Variants in RIMBP2 observed in about 807,000 individuals in gnomAD.
RIMBP2 encodes the protein RIMS-binding protein 2.
RIMBP2 carries 48 observed loss-of-function variants against 118.6 expected under a neutral mutation model. The observed-to-expected ratio is 0.40, with a 90% CI of 0.32 to 0.51. RIMBP2 has a LOEUF of 0.51. Among genes scored for constraint, RIMBP2 ranks in the 20% least tolerant of loss-of-function variants. RIMBP2 has a pLI of 0.41. For synonymous variants in RIMBP2, 762 were observed against 742.9 expected (o/e 1.03, Z -0.42); for missense variants, 1,551 against 1,768.3 (o/e 0.88, Z 2.20).
chr12:130,558,623 G>A (rs1013035909), intron 2 of RIMBP2, among the ~76,000 whole-genome samples: 1 of 152,192 alleles, frequency 6.6e-6, no homozygotes, highest in Non-Finnish European at 1.5e-5. Flanking sequence ...GGAAGAGACC[G>A]AGAATGCAGC....
chr12:130,414,203 G>A lies in RIMBP2; in HGVS notation c.3342C>T (p.Asp1114=). The change falls in exon 18 of 23, where the codon GAC becomes GAT. Residue 1114 remains aspartate, a synonymous_variant. Transcript: ENST00000690449. ...LPARIFVALF[D]YDPLTMSPNP... is the part of the protein sequence containing the mutation. ...TTGGGGACATGGTGAGCGGGTCGTA[G>A]TCAAAGAGAGCCACAAAGATCCGGG... 6.2e-7 allele frequency: 1 copy of A among 1,614,230 alleles called. No individual in the cohort carries two copies. Among genetic ancestry groups the A allele is most frequent in the South Asian group, 1.1e-5 (1 of 91,084 alleles).
Position 130,438,345 on chromosome 12 carries a change from C to T in RIMBP2, c.1656+20G>A, listed in dbSNP as rs1439914828. 3.4e-6 allele frequency: 5 copies of T among 1,482,666 alleles called. No individual in the cohort carries two copies. The highest frequency in any genetic ancestry group is 2.7e-5 in the African/African-American group (2 of 73,418). The allele number at this position is 1,482,666 out of a possible 1,614,324, so 91.8% of individuals were successfully genotyped here. ...GTTAGGGCCTAACAAACCCTCCCCA[C>T]CCACCCAACGAAAACTCACCCTCTG... On this transcript the variant is annotated intron_variant, in intron 12 of 22. Coordinates refer to ENST00000690449, the MANE Select transcript of RIMBP2 (RefSeq NM_001393629.1).
chr12:130,409,332 CTTTTTTTTTTTTTT>C (rs35015661), intron 19 of RIMBP2, among the ~76,000 whole-genome samples: 4 of 65,384 alleles, frequency 6.1e-5, no homozygotes, highest in Non-Finnish European at 1.2e-4. Context: ...CAAAATGTAG[CTTTTTTTTTTTTTT>C]TTTTTTTTTT....
intron 4 of RIMBP2, among the ~76,000 whole-genome samples, chr12:130,493,168 ACC>A (rs35663422): frequency 0.041 from 6,169 of 152,160 alleles, 189 homozygotes; most frequent in South Asian, 0.15. Flanking sequence ...AAACAAAGTG[ACC>A]TGCACAGGAA....
In RIMBP2 at chr12:130,437,033, C is replaced by G. The variant is rs1213630148; in HGVS notation, c.1915G>C (p.Asp639His). The change falls in exon 13 of 23, where the codon GAT becomes CAT. Residue 639 changes from aspartate to histidine, a missense_variant. Asp to His is a moderately conservative substitution (Grantham distance 81, BLOSUM62 -1). Coordinates refer to ENST00000690449, the MANE Select transcript of RIMBP2 (RefSeq NM_001393629.1). ...DEHLGPHARMDEAWEQSRAPG... is the reference protein window; with the variant it reads ...DEHLGPHARMHEAWEQSRAPG... ...GCACGGCTCTGCTCCCAGGCCTCAT[C>G]CATCCTGGCGTGGGGACCCAGGTGC... 1.3e-6 allele frequency: 2 copies of G among 1,583,440 alleles called. No individual in the cohort carries two copies. The highest frequency in any genetic ancestry group is 1.7e-6 in the Non-Finnish European group (2 of 1,162,542).
At chr12:130,400,768 C>CA in intron 21 of RIMBP2, among the ~76,000 whole-genome samples, 1 of 152,226 alleles carries the variant, frequency 6.6e-6, no homozygotes. Flanking sequence ...TAAAGAACAT[C>CA]AAAAAACCCA....
At chr12:130,563,933 C>A (rs1040083303) in intron 2 of RIMBP2, among the ~76,000 whole-genome samples, 2 of 149,304 alleles carry the variant, frequency 1.3e-5, no homozygotes, top group African/African-American at 5.0e-5. Flanking sequence ...CTCTACATAA[C>A]CTGGCTTCCC....
At chr12:130,646,125 GCCTCT>G (rs2062899248) in intron 1 of RIMBP2, among the ~76,000 whole-genome samples, 1 of 20,048 alleles carries the variant, frequency 5.0e-5, no homozygotes, top group Non-Finnish European at 1.0e-4. Flanking sequence ...CTCACCACCT[GCCTCT>G]CCACCTCCCT....
At chr12:130,516,597 C>T (rs989454479) in intron 3 of RIMBP2, among the ~76,000 whole-genome samples, 3 of 152,168 alleles carry the variant, frequency 2.0e-5, no homozygotes, top group South Asian at 2.1e-4. Context: ...CCAGGAGGGA[C>T]GCGTAACCTG....
intron 6 of RIMBP2, among the ~76,000 whole-genome samples, chr12:130,462,293 G>A (rs762385161): frequency 2.6e-5 from 4 of 152,146 alleles, no homozygotes; most frequent in South Asian, 2.1e-4. Context: ...CATTGAACAC[G>A]CACTTACAGA....
intron 1 of RIMBP2, among the ~76,000 whole-genome samples, chr12:130,707,179 GAAC>G (rs1241231192): frequency 6.6e-6 from 1 of 152,114 alleles, no homozygotes; most frequent in African/African-American, 2.4e-5. Flanking sequence ...TGGGGTCACA[GAAC>G]AACCCGGAAA....
intron 1 of RIMBP2, among the ~76,000 whole-genome samples, chr12:130,645,869 A>G (rs544794567): frequency 7.6e-4 from 115 of 152,278 alleles, no homozygotes; most frequent in African/African-American, 2.7e-3. Context: ...AACTCTTTAC[A>G]GTTTAGTCTT....
chr12:130,535,738 C>CATATATATATATATATATATATATATAT (rs55887629), intron 2 of RIMBP2, among the ~76,000 whole-genome samples: 2 of 66,732 alleles, frequency 3.0e-5, no homozygotes, highest in Non-Finnish European at 3.4e-5. Flanking sequence ...CATATATATA[C>CATATATATATATATATATATATATATAT]ATATATATAT....
intron 3 of RIMBP2, among the ~76,000 whole-genome samples, chr12:130,516,593 G>A (rs1029479133): frequency 6.6e-6 from 1 of 152,242 alleles, no homozygotes; most frequent in African/African-American, 2.4e-5. Context: ...CTTACCAGGA[G>A]GGACGCGTAA....
chr12:130,487,367 G>A (rs576711204), intron 4 of RIMBP2, among the ~76,000 whole-genome samples: 101 of 152,148 alleles, frequency 6.6e-4, no homozygotes, highest in Non-Finnish European at 1.3e-3. Context: ...TCCCCATAGC[G>A]ATAAGTGAGT....
At chr12:130,668,350 G>A (rs896965929) in intron 1 of RIMBP2, 24 of 152,370 alleles carry the variant, frequency 1.6e-4, no homozygotes, top group African/African-American at 5.8e-4. Context: ...TAATTTTACA[G>A]ATACAGGGCC....
chr12:130,583,227 C>T (rs78436891), intron 2 of RIMBP2, among the ~76,000 whole-genome samples: 10,889 of 152,182 alleles, frequency 0.072, 394 homozygotes, highest in Non-Finnish European at 0.078. Context: ...ATAGTGCCTC[C>T]GCGCCCCCAG....
chr12:130,563,271 G>A (rs946683406), intron 2 of RIMBP2, among the ~76,000 whole-genome samples: 7 of 152,154 alleles, frequency 4.6e-5, no homozygotes, highest in African/African-American at 7.2e-5. Flanking sequence ...CTTGAAACGC[G>A]TTCTTACGCC....
At chr12:130,662,367 G>A (rs2063699566) in intron 1 of RIMBP2, among the ~76,000 whole-genome samples, 1 of 152,250 alleles carries the variant, frequency 6.6e-6, no homozygotes, top group African/African-American at 2.4e-5. Flanking sequence ...AAGCTTTTAG[G>A]AATCTGGAGG....
Sources: gnomAD v4.1 joint callset for allele counts (sites outside exome capture counted in the v4.1 genomes callset) on GRCh38, gnomAD v4.1.1 for gene constraint, MANE v1.5 for transcripts, NCBI Gene and HGNC (gene_info 2026-07-23, HGNC 2026-07-21) for gene names.